Variants in G3BP2 observed in about 807,000 individuals in gnomAD.
The protein encoded by G3BP2 is ras GTPase-activating protein-binding protein 2.
In G3BP2, 11 loss-of-function variants were observed where a neutral mutation model predicts 56.7. The ratio of observed to expected loss-of-function variants is 0.19; its 90% CI spans 0.12 to 0.32. G3BP2 has a LOEUF of 0.32. Among genes scored for constraint, G3BP2 ranks in the 10% least tolerant of loss-of-function variants. The pLI, the probability that G3BP2 is intolerant of heterozygous loss-of-function variation, is 1.00. For missense variants in G3BP2, 340 were observed against 610.9 expected, an observed-to-expected ratio of 0.56 and a Z score of 4.67; for synonymous variants, 165 against 191.6, an observed-to-expected ratio of 0.86 and a Z score of 1.15.
Position 75,643,687 on chromosome 4 carries a change from A to G in G3BP2, c.*1743T>C, listed in dbSNP as rs1411821699. On this transcript the variant is annotated 3_prime_UTR_variant, in exon 12 of 12. Transcript: ENST00000359707. Reference sequence around the variant, plus strand: ...AGTTTACTAAATAGCAAACAGTTGCATAATTCAGAACCAATTTGCTACTAT... The same window carrying G: ...AGTTTACTAAATAGCAAACAGTTGCGTAATTCAGAACCAATTTGCTACTAT... 1 of 152,662 alleles carries G rather than the reference A, an allele frequency of 6.6e-6. No homozygotes were observed. Among genetic ancestry groups the G allele is most frequent in the Non-Finnish European group, 1.5e-5 (1 of 68,038 alleles). 9.5% of individuals were successfully genotyped at this position (152,662 alleles called of 1,614,324 possible).
In G3BP2 at chr4:75,645,469, G is replaced by A. The variant is rs755397005; in HGVS notation, c.1410C>T (p.Thr470=). ...CTGTGAAGCGGCCCTCCATTTGCCC[G>A]GTTCCTCTTCCAGAGCCAAGTTTCT... ...MAQKLGSGRG[T]GQMEGRFTGQ... Residue 470 remains threonine, a synonymous_variant, in exon 12 of 12, where the codon ACC becomes ACT. Coordinates refer to ENST00000359707, the MANE Select transcript of G3BP2 (RefSeq NM_203505.3). 1.3e-5 allele frequency: 21 copies of A among 1,613,876 alleles called. No individual in the cohort carries two copies. Among genetic ancestry groups the A allele is most frequent in the South Asian group, 4.4e-5 (4 of 91,070 alleles).
chr4:75,659,930 T>A (rs956766884), intron 2 of G3BP2, among the ~76,000 whole-genome samples: 2 of 152,226 alleles, frequency 1.3e-5, no homozygotes, highest in Admixed American at 1.3e-4. Context: ...ATGAAAAGCC[T>A]CAGAATGATC....
At chr4:75,667,313 A>G (rs1224228570) in intron 1 of G3BP2, among the ~76,000 whole-genome samples, 2 of 151,478 alleles carry the variant, frequency 1.3e-5, no homozygotes, top group African/African-American at 4.8e-5. Flanking sequence ...AAAGATAGCC[A>G]AGATTAAAGG....
chr4:75,703,983 T>G (rs1306892998), intron 3 of G3BP2, among the ~76,000 whole-genome samples: 2 of 151,838 alleles, frequency 1.3e-5, no homozygotes, highest in African/African-American at 4.8e-5. Flanking sequence ...TTAAGCAAAA[T>G]GCATAGTCCT....
chr4:75,683,623 C>A (rs1718442632), intron 3 of G3BP2, among the ~76,000 whole-genome samples: 1 of 152,016 alleles, frequency 6.6e-6, no homozygotes, highest in Non-Finnish European at 1.5e-5. Flanking sequence ...ATAAGCCTGG[C>A]TTTTTAAACA....
chr4:75,709,249 A>C (rs1163606663), intron 3 of G3BP2, among the ~76,000 whole-genome samples: 1 of 151,870 alleles, frequency 6.6e-6, no homozygotes, highest in Non-Finnish European at 1.5e-5. Flanking sequence ...GTGAAACCCT[A>C]TCTCTACTAA....
At chr4:75,657,419 A>C in intron 4 of G3BP2, 138 bp downstream of exon 4, 1 of 624,272 alleles carries the variant, frequency 1.6e-6, no homozygotes, top group Admixed American at 3.1e-5. Context: ...ACACACACGC[A>C]CTCACTCAAA....
chr4:75,669,930 A>G (rs1338675157), intron 1 of G3BP2, among the ~76,000 whole-genome samples: 1 of 152,132 alleles, frequency 6.6e-6, no homozygotes, highest in Non-Finnish European at 1.5e-5. Flanking sequence ...CATCTCTACT[A>G]AAAACACAAA....
At chr4:75,653,918 A>AC in intron 8 of G3BP2, 65 bp downstream of exon 8, 1 of 752,266 alleles carries the variant, frequency 1.3e-6, no homozygotes, top group Non-Finnish European at 2.3e-6. Context: ...TTTTAAAAGT[A>AC]TTTTAAAAAT....
chr4:75,659,290 T>C (rs1251364935), intron 2 of G3BP2, among the ~76,000 whole-genome samples: 1 of 152,222 alleles, frequency 6.6e-6, no homozygotes, highest in Non-Finnish European at 1.5e-5. Context: ...ACCCTGTTTT[T>C]TTCTTCAGAT....
chr4:75,713,788 C>CA (rs1458301100), intron 3 of G3BP2, among the ~76,000 whole-genome samples: 1 of 151,770 alleles, frequency 6.6e-6, no homozygotes, highest in African/African-American at 2.4e-5. Flanking sequence ...GACCCCATCT[C>CA]AAAAAACAAA....
At chr4:75,653,322 C>T (rs1325438769) in intron 8 of G3BP2, among the ~76,000 whole-genome samples, 1 of 151,986 alleles carries the variant, frequency 6.6e-6, no homozygotes, top group Non-Finnish European at 1.5e-5. Flanking sequence ...CCTTTATATG[C>T]TGATAAACTT....
chr4:75,657,578 T>C lies in G3BP2; in HGVS notation c.330A>G (p.Gln110=). 1 of 1,609,568 alleles carries C rather than the reference T, an allele frequency of 6.2e-7. No individual in the cohort carries two copies. Residue 110 remains glutamine (Q), a synonymous_variant, in exon 4 of 12, where the codon CAA becomes CAG. Coordinates refer to ENST00000359707, the MANE Select transcript of G3BP2 (RefSeq NM_203505.3). ...TTACTTCAGGAGCCAGAACAAAGGT[T>C]TGCATAAACTTTCTTTCTGGTTGTC... The part of the protein sequence containing the change: ...NSGQPERKFM[Q]TFVLAPEGSV...
intron 3 of G3BP2, among the ~76,000 whole-genome samples, chr4:75,695,834 C>T (rs550958501): frequency 3.9e-5 from 6 of 151,976 alleles, no homozygotes; most frequent in Non-Finnish European, 7.4e-5. Context: ...GTTAGCCAGG[C>T]GTGGTGGTGG....
chr4:75,695,974 C>CA lies in G3BP2; in HGVS notation c.-25+24902dup, dbSNP rs397807027. ...GGGCCACAAGAGTGAAACTCTGTCT[C>CA]AAAAAAAAAAAAAAAAAAAAAAAAA... On this transcript the variant is annotated intron_variant, in intron 3 of 3. Transcript: ENST00000499709. Among the ~76,000 whole-genome samples the CA allele has an allele frequency of 9.3e-3, 111 of 11,962 alleles. 1 individual carries two copies. Among genetic ancestry groups the CA allele is most frequent in the Non-Finnish European group, 0.012 (84 of 6,834 alleles). The allele number at this position is 11,962 out of a possible 152,430, so 7.8% of individuals were successfully genotyped here. A position where few individuals can be genotyped will look rare whatever the true frequency, so the allele number is the denominator to read the frequency against.
intron 1 of G3BP2, among the ~76,000 whole-genome samples, chr4:75,669,233 A>G (rs1733292975): frequency 1.3e-5 from 2 of 152,210 alleles, no homozygotes; most frequent in Non-Finnish European, 2.9e-5. Context: ...TTGTCACCAC[A>G]TACTGAACAC....
intron 1 of G3BP2, 165 bp downstream of exon 1, chr4:75,673,043 C>CA: frequency 1.0e-6 from 1 of 995,034 alleles, no homozygotes; most frequent in Non-Finnish European, 1.2e-6. Flanking sequence ...GGTCTTCTCT[C>CA]ACGCACACAC....
Position 75,655,781 on chromosome 4 carries a change from C to T in G3BP2, c.532G>A (p.Ala178Thr). 1 of 1,574,644 alleles carries T rather than the reference C, an allele frequency of 6.4e-7. No individual in the cohort carries two copies. ...QENANSGYYE[A>T]HPVTNGIEEP... ...TAGTATGCTTACGTCACAGGGTGAG[C>T]TTCATAGTAACCACTGTTAGCATTT... Residue 178 changes from alanine (A) to threonine (T), a missense_variant, in exon 6 of 12, where the codon GCT (alanine) becomes ACT (threonine). Physicochemically the swap from Ala to Thr is moderately conservative, Grantham distance 58 (BLOSUM62 0). Transcript: ENST00000359707.
At chr4:75,702,833 T>C (rs1348708914) in intron 3 of G3BP2, among the ~76,000 whole-genome samples, 2 of 152,118 alleles carry the variant, frequency 1.3e-5, no homozygotes, top group Non-Finnish European at 2.9e-5. Context: ...ATAACCAGAC[T>C]GCAATGTAAA....
Sources: allele counts gnomAD v4.1 joint callset (sites outside exome capture counted in the v4.1 genomes callset), GRCh38; gene constraint gnomAD v4.1.1; transcripts MANE v1.5; gene names NCBI Gene and HGNC (gene_info 2026-07-23, HGNC 2026-07-21).